Variants in TMEM178B observed in about 807,000 individuals in gnomAD.
TMEM178B encodes transmembrane protein 178B.
TMEM178B carries 5 observed loss-of-function variants against 31.0 expected under a neutral mutation model. That is an observed-to-expected ratio of 0.16 (90% CI 0.08 to 0.34). TMEM178B has a LOEUF of 0.34. Ranked by LOEUF, TMEM178B falls within the 10% of genes least tolerant of loss-of-function variation. The pLI, the probability that TMEM178B is intolerant of heterozygous loss-of-function variation, is 1.00. For synonymous variants in TMEM178B, 164 were observed against 164.0 expected, an observed-to-expected ratio of 1.00 and a Z score of 0.00; for missense variants, 275 against 400.3, an observed-to-expected ratio of 0.69 and a Z score of 2.67.
At chr7:141,437,969 G>T (rs1461560743) in intron 3 of TMEM178B, among the ~76,000 whole-genome samples, 1 of 152,146 alleles carries the variant, frequency 6.6e-6, no homozygotes, top group Non-Finnish European at 1.5e-5. Flanking sequence ...CTCACCTTTC[G>T]CTCAGAGCTG....
intron 2 of TMEM178B, among the ~76,000 whole-genome samples, chr7:141,323,835 A>G (rs1438626127): frequency 2.0e-5 from 3 of 152,202 alleles, no homozygotes; most frequent in African/African-American, 4.8e-5. Context: ...AGTAGCAAAA[A>G]AAGCATGGAA....
At chr7:141,142,455 T>TG (rs747725259) in intron 1 of TMEM178B, among the ~76,000 whole-genome samples, 3 of 151,728 alleles carry the variant, frequency 2.0e-5, no homozygotes, top group Non-Finnish European at 4.4e-5. Context: ...TCACCCAGGC[T>TG]GGAGTGCAGT....
intron 2 of TMEM178B, among the ~76,000 whole-genome samples, chr7:141,341,179 T>C (rs941943636): frequency 2.6e-5 from 4 of 152,212 alleles, no homozygotes; most frequent in Non-Finnish European, 5.9e-5. Flanking sequence ...TGCAAACTGC[T>C]TGCCGGTTGT....
At chr7:141,114,196 C>A (rs1795280386) in intron 1 of TMEM178B, among the ~76,000 whole-genome samples, 1 of 152,246 alleles carries the variant, frequency 6.6e-6, no homozygotes, top group African/African-American at 2.4e-5. Context: ...GGCAGGCAGG[C>A]ATCTCTGTGT....
chr7:141,157,895 C>T (rs1796100151), intron 1 of TMEM178B, among the ~76,000 whole-genome samples: 1 of 152,210 alleles, frequency 6.6e-6, no homozygotes. Flanking sequence ...GTCCTGCTCA[C>T]TGGCTCTACT....
intron 2 of TMEM178B, among the ~76,000 whole-genome samples, chr7:141,370,374 A>G (rs1243153420): frequency 6.6e-6 from 1 of 152,224 alleles, no homozygotes. Context: ...CTACTCTTCC[A>G]GATGAACCAC....
In TMEM178B at chr7:141,477,597, G is replaced by A. The variant is rs1802396486; in HGVS notation, c.*6811G>A. The stretch of plus-strand genomic sequence containing the variant: ...ACCTGACTCTGGGGTGGCATGAGTG[G>A]CCCTGTCACCGGCTCACTCAGGGCC... On this transcript the variant is annotated 3_prime_UTR_variant, in exon 4 of 4. Transcript: ENST00000565468. 6.6e-6 allele frequency: 1 copy of A among 152,160 alleles called. No individual in the cohort carries two copies. The highest frequency in any genetic ancestry group is 1.5e-5 in the Non-Finnish European group (1 of 68,044). The allele number at this position is 152,160 out of a possible 1,614,324, so 9.4% of individuals were successfully genotyped here. A position where few individuals can be genotyped will look rare whatever the true frequency, so the allele number is the denominator to read the frequency against.
chr7:141,340,832 C>T (rs1361403579), intron 2 of TMEM178B, among the ~76,000 whole-genome samples: 3 of 152,322 alleles, frequency 2.0e-5, no homozygotes, highest in South Asian at 2.1e-4. Context: ...CTCTCCCTCT[C>T]GGGTGTATAC....
chr7:141,492,597 G>A, the TMEM178B span, among the ~76,000 whole-genome samples: 2 of 152,290 alleles, frequency 1.3e-5, no homozygotes, highest in Non-Finnish European at 2.9e-5. Context: ...CGCTAAAGGC[G>A]AGTTTCCGTA....
intron 2 of TMEM178B, among the ~76,000 whole-genome samples, chr7:141,296,942 C>T (rs182386364): frequency 2.6e-5 from 4 of 152,298 alleles, no homozygotes; most frequent in East Asian, 1.9e-4. Context: ...TTGTGTGCTT[C>T]GAGCTTGTTC....
At position 141,476,837 on chromosome 7, in the gene TMEM178B, A is replaced by G. The variant is rs922914343; in HGVS notation, c.*6051A>G. ...AGGGAAGCCATTGCTCTCTCTGTAG[A>G]TAGAGCCCAGCTGGTAACGGGGGAG... On this transcript the variant is annotated 3_prime_UTR_variant, in exon 4 of 4. Coordinates refer to ENST00000565468, the MANE Select transcript of TMEM178B (RefSeq NM_001195278.2). The G allele has an allele frequency of 6.5e-6, 1 of 154,834 alleles. No homozygotes were observed. Among genetic ancestry groups the G allele is most frequent in the Non-Finnish European group, 1.5e-5 (1 of 68,254 alleles). 9.6% of individuals were successfully genotyped at this position (154,834 alleles called of 1,614,324 possible).
At chr7:141,174,454 T>A (rs138865557) in intron 1 of TMEM178B, among the ~76,000 whole-genome samples, 2,167 of 152,318 alleles carry the variant, frequency 0.014, 30 homozygotes, top group Admixed American at 0.026. Context: ...TAGAATGATA[T>A]GTATTCCTTT....
At chr7:141,443,127 A>G (rs1188851407) in intron 3 of TMEM178B, among the ~76,000 whole-genome samples, 2 of 152,136 alleles carry the variant, frequency 1.3e-5, no homozygotes, top group Non-Finnish European at 2.9e-5. Flanking sequence ...TTTTTAATAG[A>G]CCTTATTTTT....
chr7:141,403,808 G>C (rs1237906298), intron 2 of TMEM178B, among the ~76,000 whole-genome samples: 1 of 152,192 alleles, frequency 6.6e-6, no homozygotes, highest in Non-Finnish European at 1.5e-5. Context: ...AGTTATTACA[G>C]ACACAAATTT....
intron 2 of TMEM178B, among the ~76,000 whole-genome samples, chr7:141,412,159 C>T (rs889371573): frequency 5.3e-5 from 8 of 152,100 alleles, no homozygotes; most frequent in Non-Finnish European, 7.4e-5. Context: ...CGTCCCTCCA[C>T]GCCATCTCTG....
intron 1 of TMEM178B, among the ~76,000 whole-genome samples, chr7:141,182,180 C>T (rs984299056): frequency 6.6e-6 from 1 of 152,132 alleles, no homozygotes; most frequent in African/African-American, 2.4e-5. Flanking sequence ...AGGTAAGTGT[C>T]CTGGGCACTG....
At chr7:141,354,853 A>C (rs563205242) in intron 2 of TMEM178B, among the ~76,000 whole-genome samples, 17 of 152,246 alleles carry the variant, frequency 1.1e-4, no homozygotes, top group South Asian at 1.0e-3. Flanking sequence ...TCATCTCCTC[A>C]GGACTCCAGT....
intron 2 of TMEM178B, among the ~76,000 whole-genome samples, chr7:141,385,311 C>T (rs1046917534): frequency 2.0e-5 from 3 of 152,188 alleles, no homozygotes; most frequent in Admixed American, 6.5e-5. Flanking sequence ...GAACCAGTCC[C>T]CTTGGGCTGT....
the TMEM178B span, among the ~76,000 whole-genome samples, chr7:141,506,424 C>T: frequency 6.6e-6 from 1 of 152,288 alleles, no homozygotes; most frequent in South Asian, 2.1e-4. Flanking sequence ...AGGCAAAAGG[C>T]ACTTCTTACA....
Sources: gnomAD v4.1 joint callset for allele counts (sites outside exome capture counted in the v4.1 genomes callset) on GRCh38, gnomAD v4.1.1 for gene constraint, MANE v1.5 for transcripts, NCBI Gene and HGNC (gene_info 2026-07-23, HGNC 2026-07-21) for gene names.